MPZL1: variants seen among roughly 807,000 people sequenced by gnomAD.
MPZL1 encodes myelin protein zero-like protein 1.
Under a neutral mutation model 29.3 loss-of-function variants are expected in MPZL1, and 16 were observed. That is an observed-to-expected ratio of 0.55 (90% confidence interval 0.37 to 0.83). The LOEUF (loss-of-function observed/expected upper bound fraction) is 0.83, where lower values mean the gene tolerates loss of function less well. MPZL1 is among the 40% of genes least tolerant of loss of function. The pLI is 0.00. For missense variants in MPZL1, 279 were observed against 332.9 expected, an observed-to-expected ratio of 0.84 and a Z score of 1.26; for synonymous variants, 143 against 132.0, an observed-to-expected ratio of 1.08 and a Z score of -0.57.
rs150901710 is a variant in MPZL1, at chr1:167,788,092, T to G, written c.*171T>G. 496 of 544,828 alleles carry G rather than the reference T, an allele frequency of 9.1e-4. 3 individuals are homozygous for G. Among genetic ancestry groups the G allele is most frequent in the African/African-American group, 8.7e-3 (458 of 52,384 alleles). The allele number at this position is 544,828 out of a possible 1,614,324, so 33.7% of individuals were successfully genotyped here. A position where few individuals can be genotyped will look rare whatever the true frequency, so the allele number is the denominator to read the frequency against. ...CAAAGGATATGTATAAATATTCTAT[T>G]TAGTCATCCTGATATGAGGAGCCAG... On this transcript the variant is annotated 3_prime_UTR_variant, in exon 6 of 6. Coordinates refer to ENST00000359523, the MANE Select transcript of MPZL1 (RefSeq NM_003953.6).
intron 1 of MPZL1, among the ~76,000 whole-genome samples, chr1:167,729,233 G>A (rs1042389744): frequency 3.3e-5 from 5 of 151,008 alleles, no homozygotes; most frequent in African/African-American, 7.3e-5. Context: ...TCGTGTCATC[G>A]CACTCCAGCC....
chr1:167,754,585 G>T (rs916769693), intron 1 of MPZL1, among the ~76,000 whole-genome samples: 1 of 152,170 alleles, frequency 6.6e-6, no homozygotes, highest in Non-Finnish European at 1.5e-5. Context: ...AAAAGTTCAG[G>T]TTCATGCATG....
At chr1:167,739,204 A>G (rs569501562) in intron 1 of MPZL1, among the ~76,000 whole-genome samples, 1 of 150,432 alleles carries the variant, frequency 6.6e-6, no homozygotes, top group Admixed American at 6.6e-5. Context: ...TAGCCTACCA[A>G]AGTGCTGGGA....
intron 2 of MPZL1, 83 bp from the exon 3 acceptor site, chr1:167,772,192 G>T: frequency 9.0e-7 from 1 of 1,114,588 alleles, no homozygotes; most frequent in African/African-American, 1.6e-5. Context: ...GTCTTTAAAA[G>T]AACCTTTCAT....
chr1:167,731,728 G>T (rs1198004631), intron 1 of MPZL1, among the ~76,000 whole-genome samples: 1 of 150,954 alleles, frequency 6.6e-6, no homozygotes, highest in Non-Finnish European at 1.5e-5. Context: ...GTGAGCCACC[G>T]CACCCAGCCT....
In MPZL1 at chr1:167,789,540, G is replaced by A. The variant is rs562469824; in HGVS notation, c.*1619G>A. On this transcript the variant is annotated 3_prime_UTR_variant, in exon 6 of 6. Coordinates refer to ENST00000359523, the MANE Select transcript of MPZL1 (RefSeq NM_003953.6). ...TAAAACAGGATTGAGATTTTGAGGT[G>A]TGCACAAGGTGGTAAGATAAAGGGC... is the stretch of plus-strand genomic sequence containing the variant. 3.3e-5 allele frequency: 5 copies of A among 152,304 alleles called. No homozygotes were observed. The East Asian group carries it at 5.8e-4, about 18-fold the overall frequency. 9.4% of individuals were successfully genotyped at this position (152,304 alleles called of 1,614,324 possible). A position where few individuals can be genotyped will look rare whatever the true frequency, so the allele number is the denominator to read the frequency against.
intron 5 of MPZL1, among the ~76,000 whole-genome samples, chr1:167,780,911 A>G (rs1042257712): frequency 6.6e-6 from 1 of 152,196 alleles, no homozygotes; most frequent in African/African-American, 2.4e-5. Flanking sequence ...TTAAACAGTA[A>G]AAGGATGGAA....
rs954877127 is a variant in MPZL1 at position 167,765,647 on chromosome 1, A to G, written c.156A>G (p.Thr52=). ...TPKEIFVANG[T]QGKLTCKFKS... is the part of the protein sequence containing the mutation. ...AAGAAATCTTCGTGGCAAATGGTACACAAGGGAAGCTGACCTGCAAGTTCA... is the reference window on the plus strand; with the variant it reads ...AAGAAATCTTCGTGGCAAATGGTACGCAAGGGAAGCTGACCTGCAAGTTCA... The change falls in exon 2 of 6, where the codon ACA becomes ACG. Residue 52 remains threonine (T), a synonymous_variant. Transcript: ENST00000359523. The G allele has an allele frequency of 1.2e-6, 2 of 1,613,502 alleles. No homozygotes were observed. The highest frequency in any genetic ancestry group is 1.3e-5 in the African/African-American group (1 of 74,908).
chr1:167,772,472 C>G lies in MPZL1; in HGVS notation c.456C>G (p.Leu152=), dbSNP rs1302248157. 6.2e-6 allele frequency: 10 copies of G among 1,613,148 alleles called. No homozygotes were observed. The highest frequency in any genetic ancestry group is 2.7e-5 in the African/African-American group (2 of 74,866). Residue 152 remains leucine, a synonymous_variant, in exon 3 of 6, where the codon CTC becomes CTG. Transcript: ENST00000359523. The part of the protein sequence containing the change: ...DIVVQPGHIR[L]YVVEKENLPV... ...TTGTCCAGCCTGGACACATTAGGCTCTATGTCGTAGAAAAAGGTACTTCCT... is the reference window on the plus strand; with the variant it reads ...TTGTCCAGCCTGGACACATTAGGCTGTATGTCGTAGAAAAAGGTACTTCCT...
chr1:167,740,413 A>G (rs1660492018), intron 1 of MPZL1, among the ~76,000 whole-genome samples: 1 of 152,160 alleles, frequency 6.6e-6, no homozygotes. Context: ...CAGGTTGACA[A>G]ACCATATTAG....
At position 167,772,174 on chromosome 1, in the gene MPZL1, C is replaced by T. The variant is rs538936332; in HGVS notation, c.259-101C>T. 90 of 915,570 alleles carry T rather than the reference C, an allele frequency of 9.8e-5. 1 individual carries two copies. The highest frequency in any genetic ancestry group is 8.6e-4 in the South Asian group (50 of 58,162). 56.7% of individuals were successfully genotyped at this position (915,570 alleles called of 1,614,324 possible). A position where few individuals can be genotyped will look rare whatever the true frequency, so the allele number is the denominator to read the frequency against. On this transcript the variant is annotated intron_variant, in intron 2 of 5. Coordinates refer to ENST00000359523, the MANE Select transcript of MPZL1 (RefSeq NM_003953.6). Reference sequence around the variant, plus strand: ...GGGAGAGAGATGTTGCATTTCTTTCCGTATGAAGTCTTTAAAAGAACCTTT... The same window carrying T: ...GGGAGAGAGATGTTGCATTTCTTTCTGTATGAAGTCTTTAAAAGAACCTTT...
chr1:167,787,046 T>A (rs1661607108), intron 5 of MPZL1: 1 of 152,176 alleles, frequency 6.6e-6, no homozygotes. Context: ...CCCTGACAAT[T>A]CCCTGGAATT....
At chr1:167,757,961 C>G (rs750791235) in intron 1 of MPZL1, among the ~76,000 whole-genome samples, 21 of 151,936 alleles carry the variant, frequency 1.4e-4, no homozygotes, top group Admixed American at 3.9e-4. Flanking sequence ...ACCAGCCTGA[C>G]CAACATGGTA....
rs1481960870 is a variant in MPZL1 at position 167,788,719 on chromosome 1, C to T, written c.*798C>T. On this transcript the variant is annotated 3_prime_UTR_variant, in exon 6 of 6. Transcript: ENST00000359523. The stretch of plus-strand genomic sequence containing the variant: ...TTGTAACGTGGAGAGTAAAAAGTAT[C>T]GGTTTTATTCTTTGCTGATGTCCTT... 2 of 152,102 alleles carry T rather than the reference C, an allele frequency of 1.3e-5. No individual in the cohort carries two copies. Among genetic ancestry groups the T allele is most frequent in the Admixed American group, 6.6e-5 (1 of 15,262 alleles). The allele number at this position is 152,102 out of a possible 1,614,324, so 9.4% of individuals were successfully genotyped here.
intron 5 of MPZL1, among the ~76,000 whole-genome samples, chr1:167,785,076 C>T (rs983641026): frequency 3.3e-5 from 5 of 152,188 alleles, no homozygotes; most frequent in Non-Finnish European, 7.3e-5. Flanking sequence ...TCTACTGCTA[C>T]GTAACAAACC....
At chr1:167,727,047 T>C (rs1660162318) in intron 1 of MPZL1, among the ~76,000 whole-genome samples, 1 of 152,156 alleles carries the variant, frequency 6.6e-6, no homozygotes, top group African/African-American at 2.4e-5. Flanking sequence ...TTGCAGCAAA[T>C]TTTTGAAAAA....
chr1:167,723,224 A>G (rs1452003698), intron 1 of MPZL1, among the ~76,000 whole-genome samples: 1 of 152,232 alleles, frequency 6.6e-6, no homozygotes, highest in Non-Finnish European at 1.5e-5. Flanking sequence ...CTTTGTTTTC[A>G]AAATGTCAGT....
intron 1 of MPZL1, among the ~76,000 whole-genome samples, chr1:167,739,680 A>G (rs1242875494): frequency 6.6e-6 from 1 of 152,166 alleles, no homozygotes; most frequent in East Asian, 1.9e-4. Context: ...CCTGGGGAAT[A>G]TAGCTAGAGA....
At chr1:167,727,979 T>TGCCTCA (rs1403652510) in intron 1 of MPZL1, among the ~76,000 whole-genome samples, 1 of 151,052 alleles carries the variant, frequency 6.6e-6, no homozygotes, top group Non-Finnish European at 1.5e-5. Flanking sequence ...GTGATTCTCC[T>TGCCTCA]GCCTCAGCCT....
Sources: allele counts gnomAD v4.1 joint callset (sites outside exome capture counted in the v4.1 genomes callset), GRCh38; gene constraint gnomAD v4.1.1; transcripts MANE v1.5; gene names NCBI Gene and HGNC (gene_info 2026-07-23, HGNC 2026-07-21).